Variants in TRPM3 observed in about 807,000 individuals in gnomAD.
TRPM3 encodes transient receptor potential cation channel subfamily M member 3, also known as long transient receptor potential channel 3.
TRPM3 carries 77 observed loss-of-function variants against 181.2 expected under a neutral mutation model. The ratio of observed to expected loss-of-function variants is 0.42; its 90% CI spans 0.35 to 0.51. The LOEUF (loss-of-function observed/expected upper bound fraction) is 0.51. Ranked by LOEUF, TRPM3 falls within the 20% of genes least tolerant of loss-of-function variation. The probability of loss-of-function intolerance (pLI) is 0.01; values close to 1 mark genes in which losing one functional copy is unlikely to be tolerated. For synonymous variants in TRPM3, 745 were observed against 796.4 expected (o/e 0.94, Z 1.09); for missense variants, 1,759 against 2,196.7 (o/e 0.80, Z 3.98).
chr9:71,382,688 CTTT>C (rs11449039), intron 1 of TRPM3, among the ~76,000 whole-genome samples: 4 of 146,572 alleles, frequency 2.7e-5, no homozygotes, highest in Non-Finnish European at 4.5e-5. Flanking sequence ...TCTGTATAGT[CTTT>C]TTTTTTTTTG....
chr9:70,910,591 G>A (rs555579133), intron 1 of TRPM3, among the ~76,000 whole-genome samples: 2 of 152,186 alleles, frequency 1.3e-5, no homozygotes, highest in South Asian at 4.2e-4. Flanking sequence ...AGATAAATAG[G>A]TATGCCATAG....
At chr9:71,042,973 G>A (rs1399458915) in intron 1 of TRPM3, among the ~76,000 whole-genome samples, 3 of 152,184 alleles carry the variant, frequency 2.0e-5, no homozygotes, top group African/African-American at 7.2e-5. Flanking sequence ...AACTGCAAGA[G>A]TTGCATTAAT....
chr9:71,134,014 T>TGTGTGTGCGC (rs1554832860), intron 1 of TRPM3, among the ~76,000 whole-genome samples: 1 of 139,950 alleles, frequency 7.1e-6, no homozygotes, highest in Non-Finnish European at 1.6e-5. Flanking sequence ...TGTGTGTGTG[T>TGTGTGTGCGC]GCGCGTGCGC....
chr9:71,154,345 A>C (rs1056305708), intron 1 of TRPM3, among the ~76,000 whole-genome samples: 58 of 152,136 alleles, frequency 3.8e-4, no homozygotes, highest in African/African-American at 1.3e-3. Flanking sequence ...AATACTAGCT[A>C]GGAAGACAGA....
intron 1 of TRPM3, chr9:70,916,932 G>A (rs2096601516): frequency 1.8e-6 from 2 of 1,125,426 alleles, no homozygotes; most frequent in African/African-American, 3.1e-5. Context: ...AGATACTGAT[G>A]GTGGCACTGC....
intron 7 of TRPM3, among the ~76,000 whole-genome samples, chr9:70,777,186 T>C (rs1699945184): frequency 6.6e-6 from 1 of 152,158 alleles, no homozygotes; most frequent in Non-Finnish European, 1.5e-5. Flanking sequence ...GATTTCTCTA[T>C]CATAAAGAAT....
At chr9:70,581,394 A>G (rs1002058673) in intron 22 of TRPM3, among the ~76,000 whole-genome samples, 4 of 152,260 alleles carry the variant, frequency 2.6e-5, no homozygotes, top group Non-Finnish European at 5.9e-5. Flanking sequence ...ACGTGGTCTG[A>G]TATCTAGCCG....
intron 9 of TRPM3, 143 bp downstream of exon 9, chr9:70,681,363 T>C: frequency 1.5e-6 from 1 of 650,664 alleles, no homozygotes; most frequent in Non-Finnish European, 2.6e-6. Context: ...GCAGTAACTG[T>C]CTTACAGGAG....
intron 6 of TRPM3, among the ~76,000 whole-genome samples, chr9:70,809,181 A>C (rs2091352393): frequency 6.6e-6 from 1 of 152,280 alleles, no homozygotes; most frequent in Admixed American, 6.5e-5. Context: ...CTTATGTTTT[A>C]AGCTAAGTAT....
chr9:70,584,382 C>A (rs2132415037), intron 22 of TRPM3, among the ~76,000 whole-genome samples: 1 of 152,290 alleles, frequency 6.6e-6, no homozygotes, highest in East Asian at 1.9e-4. Flanking sequence ...GTTTTTCACT[C>A]TTGTGCAAAA....
At chr9:70,615,862 A>T in intron 18 of TRPM3, 46 bp downstream of exon 18, 1 of 1,550,820 alleles carries the variant, frequency 6.4e-7, no homozygotes, top group Non-Finnish European at 8.7e-7. Flanking sequence ...GGACAAGTGG[A>T]TTAGGAATTC....
intron 1 of TRPM3, among the ~76,000 whole-genome samples, chr9:71,061,368 T>C (rs2133351491): frequency 6.6e-6 from 1 of 152,216 alleles, no homozygotes; most frequent in East Asian, 1.9e-4. Flanking sequence ...GGGGTTTGTG[T>C]GGTGTGGAAT....
intron 1 of TRPM3, among the ~76,000 whole-genome samples, chr9:71,181,367 ATTTTT>A (rs59651573): frequency 7.1e-6 from 1 of 141,716 alleles, no homozygotes. Context: ...GGAAACTGCA[ATTTTT>A]TTTTTTTTTT....
chr9:70,645,434 A>G (rs902162721), intron 9 of TRPM3, among the ~76,000 whole-genome samples: 6 of 152,304 alleles, frequency 3.9e-5, no homozygotes, highest in East Asian at 1.9e-4. Flanking sequence ...TCTTTGACAA[A>G]CCTGACAAAA....
At chr9:71,357,061 A>G (rs2091927918) in intron 1 of TRPM3, among the ~76,000 whole-genome samples, 1 of 152,228 alleles carries the variant, frequency 6.6e-6, no homozygotes, top group Non-Finnish European at 1.5e-5. Context: ...AAAGGACAGC[A>G]GAGTATGTAT....
intron 6 of TRPM3, among the ~76,000 whole-genome samples, chr9:70,793,323 G>A (rs2086005340): frequency 6.6e-6 from 1 of 151,814 alleles, no homozygotes; most frequent in African/African-American, 2.4e-5. Context: ...GGGGTTTGAT[G>A]CATGTGCCTG....
At chr9:70,948,793 T>A (rs2096963719) in intron 1 of TRPM3, among the ~76,000 whole-genome samples, 1 of 152,200 alleles carries the variant, frequency 6.6e-6, no homozygotes, top group Non-Finnish European at 1.5e-5. Context: ...ACATTGGACC[T>A]GGAGGCTTTT....
At chr9:70,793,902 C>T (rs548662737) in intron 6 of TRPM3, among the ~76,000 whole-genome samples, 2 of 152,184 alleles carry the variant, frequency 1.3e-5, no homozygotes, top group African/African-American at 2.4e-5. Context: ...GATGATTGTA[C>T]CCATGTGTTG....
intron 1 of TRPM3, among the ~76,000 whole-genome samples, chr9:70,959,370 A>G (rs1399978640): frequency 6.6e-6 from 1 of 152,036 alleles, no homozygotes; most frequent in Non-Finnish European, 1.5e-5. Context: ...GTGGGCCCCA[A>G]CATTCTGATG....
Sources: allele counts gnomAD v4.1 joint callset (sites outside exome capture counted in the v4.1 genomes callset), GRCh38; gene constraint gnomAD v4.1.1; transcripts MANE v1.5; gene names NCBI Gene and HGNC (gene_info 2026-07-23, HGNC 2026-07-21).